AGO3: variants seen among roughly 807,000 people sequenced by gnomAD.
The protein encoded by AGO3 is protein argonaute-3.
AGO3 carries 16 observed loss-of-function variants against 105.5 expected under a neutral mutation model. The ratio of observed to expected loss-of-function variants is 0.15; its 90% confidence interval spans 0.10 to 0.23. The LOEUF is 0.23. AGO3 is among the 10% of genes least tolerant of loss of function. The pLI is 1.00. For synonymous variants in AGO3, 340 were observed against 367.3 expected (o/e 0.93, Z 0.85); for missense variants, 534 against 1,088.0 (o/e 0.49, Z 7.16).
chr1:36,010,181 C>G (rs1329625045), intron 9 of AGO3, among the ~76,000 whole-genome samples: 1 of 151,808 alleles, frequency 6.6e-6, no homozygotes, highest in Non-Finnish European at 1.5e-5. Flanking sequence ...CTTTGTGATC[C>G]GCCCGCCTCG....
At chr1:35,971,895 A>T (rs1646877333) in intron 3 of AGO3, 129 bp from the exon 4 acceptor site, 4 of 823,822 alleles carry the variant, frequency 4.9e-6, no homozygotes, top group Non-Finnish European at 7.5e-6. Context: ...TACAAAAAAA[A>T]ATGGTATATT....
At chr1:35,938,100 T>G (rs1011128397) in intron 1 of AGO3, among the ~76,000 whole-genome samples, 1 of 151,398 alleles carries the variant, frequency 6.6e-6, no homozygotes, top group Non-Finnish European at 1.5e-5. Flanking sequence ...CCTGCCTCAG[T>G]CTCCCTAGTA....
At chr1:36,014,631 C>T (rs1322972431) in intron 11 of AGO3, among the ~76,000 whole-genome samples, 2 of 151,572 alleles carry the variant, frequency 1.3e-5, no homozygotes, top group Admixed American at 6.6e-5. Context: ...ATTAGCCAGG[C>T]GTGGTGGTGG....
intron 1 of AGO3, among the ~76,000 whole-genome samples, chr1:35,944,783 C>A (rs1034855173): frequency 1.1e-4 from 16 of 151,918 alleles, no homozygotes; most frequent in African/African-American, 3.9e-4. Flanking sequence ...GGATTGCAGA[C>A]GTGAGGCACT....
At chr1:36,042,579 A>G (rs1642295085) in intron 16 of AGO3, among the ~76,000 whole-genome samples, 1 of 152,198 alleles carries the variant, frequency 6.6e-6, no homozygotes, top group Non-Finnish European at 1.5e-5. Context: ...TGGCAAAAAT[A>G]TTATCTGAGT....
rs990248782 is a variant in AGO3 at position 36,027,503 on chromosome 1, C to T, written c.1591+205C>T. ...TTGTAAAAAGAGTTTCCGGGCTGGGCGTGGTGGCTCACGCCTGTAATCCCA... is the reference window on the plus strand; with the variant it reads ...TTGTAAAAAGAGTTTCCGGGCTGGGTGTGGTGGCTCACGCCTGTAATCCCA... On this transcript the variant is annotated intron_variant, in intron 12 of 18. Transcript: ENST00000373191. This position sits in a 1 kb window ranked among gnomAD's most constrained non-coding sequence, Gnocchi z 4.0. Among the ~76,000 whole-genome samples the T allele has an allele frequency of 5.9e-5, 9 of 152,154 alleles. No homozygotes were observed. The highest frequency in any genetic ancestry group is 1.9e-4 in the African/African-American group (8 of 41,444).
chr1:36,010,752 C>A (rs1191182569), intron 9 of AGO3, among the ~76,000 whole-genome samples: 1 of 151,548 alleles, frequency 6.6e-6, no homozygotes, highest in Non-Finnish European at 1.5e-5. Context: ...ACTAAAAATA[C>A]AAAATTAGCC....
At chr1:35,954,131 T>G (rs1025825499) in intron 2 of AGO3, among the ~76,000 whole-genome samples, 6 of 152,222 alleles carry the variant, frequency 3.9e-5, no homozygotes, top group Admixed American at 3.9e-4. Flanking sequence ...GAGTGTTTAG[T>G]GATCTTGGGG....
intron 12 of AGO3, among the ~76,000 whole-genome samples, chr1:36,029,318 A>G (rs1316691650): frequency 6.6e-6 from 1 of 152,138 alleles, no homozygotes; most frequent in Non-Finnish European, 1.5e-5. Flanking sequence ...TTTAGAAATA[A>G]TAGAAGAAAT....
rs1166394110 is a variant in AGO3 at position 36,000,374 on chromosome 1, C to T, written c.659-3967C>T. Among the ~76,000 whole-genome samples the T allele has an allele frequency of 2.0e-5, 3 of 152,056 alleles. No homozygotes were observed. The East Asian group carries it at 5.8e-4, about 29-fold the overall frequency. On this transcript the variant is annotated intron_variant, in intron 5 of 18. Coordinates refer to ENST00000373191, the MANE Select transcript of AGO3 (RefSeq NM_024852.4). ...AATTTTTACCTCAAATGCCCACCTT[C>T]CTGTAGAGAAGATGGTCAATAGTAA...
Position 35,965,912 on chromosome 1 carries a change from G to A in AGO3, c.192-1043G>A, listed in dbSNP as rs189655921. ...GTGATCTCGGCTCACCACAACCTCT[G>A]CCTTCTGGGTTCAAGCAATTCTCCT... On this transcript the variant is annotated intron_variant, in intron 2 of 18. Transcript: ENST00000373191. Among the ~76,000 whole-genome samples the A allele has an allele frequency of 6.9e-3, 1,004 of 145,174 alleles. 8 individuals carry two copies. Among genetic ancestry groups the A allele is most frequent in the African/African-American group, 0.025 (953 of 38,854 alleles).
At chr1:35,984,010 A>C (rs953667400) in intron 5 of AGO3, among the ~76,000 whole-genome samples, 2 of 152,130 alleles carry the variant, frequency 1.3e-5, no homozygotes, top group African/African-American at 2.4e-5. Context: ...AAGTGGAAAA[A>C]CTCTTTAGGA....
At chr1:35,994,213 C>T (rs1268651104) in intron 5 of AGO3, among the ~76,000 whole-genome samples, 1 of 150,034 alleles carries the variant, frequency 6.7e-6, no homozygotes, top group Non-Finnish European at 1.5e-5. Context: ...CCTCCCAAAA[C>T]ACTGGGATTA....
chr1:36,007,477 A>G (rs1021414552), intron 6 of AGO3, among the ~76,000 whole-genome samples: 1 of 152,148 alleles, frequency 6.6e-6, no homozygotes, highest in African/African-American at 2.4e-5. Flanking sequence ...TGGGTGGTTC[A>G]CCTGAGGTCT....
chr1:35,998,782 CTTTA>C (rs1017941282), intron 5 of AGO3, among the ~76,000 whole-genome samples: 1 of 151,838 alleles, frequency 6.6e-6, no homozygotes, highest in Non-Finnish European at 1.5e-5. Flanking sequence ...AGCTTTATTT[CTTTA>C]TTTATGGTGT....
chr1:36,026,911 A>G (rs1641531434), intron 11 of AGO3, among the ~76,000 whole-genome samples: 1 of 152,250 alleles, frequency 6.6e-6, no homozygotes, highest in African/African-American at 2.4e-5. Flanking sequence ...AGAATGCCGT[A>G]TAACTGTATA....
intron 11 of AGO3, among the ~76,000 whole-genome samples, chr1:36,022,933 CAAAAAAAAAAACAAAAA>C (rs767512528): frequency 0.039 from 989 of 25,388 alleles, 9 homozygotes; most frequent in African/African-American, 0.095. Flanking sequence ...AAAAAAAAAA[CAAAAAAAAAAACAAAAA>C]AAAAAGAGAA....
intron 5 of AGO3, among the ~76,000 whole-genome samples, chr1:35,985,511 G>A (rs1647153403): frequency 2.0e-5 from 3 of 152,210 alleles, no homozygotes; most frequent in East Asian, 1.9e-4. Flanking sequence ...CCACATATGT[G>A]TTTATGGAAA....
At chr1:36,039,384 C>T (rs1642149225) in intron 14 of AGO3, among the ~76,000 whole-genome samples, 1 of 150,922 alleles carries the variant, frequency 6.6e-6, no homozygotes, top group Non-Finnish European at 1.5e-5. Context: ...GTCCCAGCTA[C>T]TCTGGAGGCT....
Sources: gnomAD v4.1 joint callset for allele counts (sites outside exome capture counted in the v4.1 genomes callset) on GRCh38, gnomAD v4.1.1 for gene constraint, Gnocchi (gnomAD v3.1) non-coding constraint, MANE v1.5 for transcripts, NCBI Gene and HGNC (gene_info 2026-07-23, HGNC 2026-07-21) for gene names.